The following PRKAA1 variants were observed in gnomAD, a reference collection of about 807,000 sequenced individuals.
PRKAA1 encodes the protein protein kinase AMP-activated catalytic subunit alpha 1.
PRKAA1 carries 23 observed loss-of-function variants against 56.9 expected under a neutral mutation model. The ratio of observed to expected loss-of-function variants is 0.40; its 90% CI spans 0.29 to 0.57. The LOEUF (loss-of-function observed/expected upper bound fraction) is 0.57, where lower values mean the gene tolerates loss of function less well. PRKAA1 is among the 20% of genes least tolerant of loss of function. PRKAA1 has a pLI of 0.39. For synonymous variants in PRKAA1, 226 were observed against 227.0 expected, an observed-to-expected ratio of 1.00 and a Z score of 0.04; for missense variants, 413 against 679.7, an observed-to-expected ratio of 0.61 and a Z score of 4.36.
chr5:40,794,788 C>T (rs556186644), intron 1 of PRKAA1, among the ~76,000 whole-genome samples: 1 of 126,200 alleles, frequency 7.9e-6, no homozygotes, highest in African/African-American at 2.6e-5. Flanking sequence ...TGTAAACTAG[C>T]ACAGCTGCTA....
intron 2 of PRKAA1, 52 bp from the exon 3 acceptor site, chr5:40,775,555 T>C (rs780412621): frequency 1.5e-6 from 2 of 1,355,352 alleles, no homozygotes; most frequent in Non-Finnish European, 2.1e-6. Flanking sequence ...TATTCATTCA[T>C]TCAATAAATA....
intron 1 of PRKAA1, among the ~76,000 whole-genome samples, chr5:40,786,888 G>A (rs761458713): frequency 2.0e-5 from 3 of 150,362 alleles, no homozygotes; most frequent in African/African-American, 7.4e-5. Flanking sequence ...AACAGAGCAG[G>A]CAGAGGTTGC....
intron 7 of PRKAA1, 40 bp from the exon 8 acceptor site, chr5:40,764,680 C>A (rs771544087): frequency 6.2e-7 from 1 of 1,604,804 alleles, no homozygotes; most frequent in Non-Finnish European, 8.5e-7. Context: ...AAAAGTAATT[C>A]TTCTATAAAA....
chr5:40,768,700 C>T, intron 5 of PRKAA1: 1 of 1,280,306 alleles, frequency 7.8e-7, no homozygotes, highest in South Asian at 2.4e-5. Context: ...GCAAAACATT[C>T]ACACAAATAA....
In PRKAA1 at chr5:40,768,287, T is replaced by C. The variant is rs114717893; in HGVS notation, c.597-597A>G. 1,121 of 339,234 alleles carry C rather than the reference T, an allele frequency of 3.3e-3. 7 individuals are homozygous for C. The highest frequency in any genetic ancestry group is 0.022 in the African/African-American group (965 of 44,878). 21.0% of individuals were successfully genotyped at this position (339,234 alleles called of 1,614,324 possible). A position where few individuals can be genotyped will look rare whatever the true frequency, so the allele number is the denominator to read the frequency against. On this transcript the variant is annotated intron_variant, in intron 5 of 8. Transcript: ENST00000397128. ...TACTGCTGAACTGATCGATAAATATTATTTTGAAAGTAAAAGTTCTCATAC... is the reference window on the plus strand; with the variant it reads ...TACTGCTGAACTGATCGATAAATATCATTTTGAAAGTAAAAGTTCTCATAC...
At position 40,761,540 on chromosome 5, in the gene PRKAA1, T is replaced by TAGA. The variant is rs1461416324; in HGVS notation, c.*1235_*1237dup. 3 of 152,186 alleles carry TAGA rather than the reference T, an allele frequency of 2.0e-5. No individual in the cohort carries two copies. The highest frequency in any genetic ancestry group is 3.8e-4 in the East Asian group (2 of 5,202). 9.4% of individuals were successfully genotyped at this position (152,186 alleles called of 1,614,324 possible). A position where few individuals can be genotyped will look rare whatever the true frequency, so the allele number is the denominator to read the frequency against. ...ATTAACAACTGCTGAATCTAAATGG[T>TAGA]AGATATACATGTGCTTACCAAACAG... On this transcript the variant is annotated 3_prime_UTR_variant, in exon 9 of 9. Transcript: ENST00000397128.
chr5:40,770,423 A>AT, intron 4 of PRKAA1, among the ~76,000 whole-genome samples: 1 of 107,464 alleles, frequency 9.3e-6, no homozygotes, highest in African/African-American at 3.8e-5. Context: ...CCGAGATCGT[A>AT]CCACTCCAGC....
chr5:40,771,642 GA>G, intron 4 of PRKAA1, 76 bp downstream of exon 4: 3 of 1,408,138 alleles, frequency 2.1e-6, no homozygotes, highest in Non-Finnish European at 2.9e-6. Flanking sequence ...ACAGTTATCT[GA>G]AGAATTCTAG....
intron 1 of PRKAA1, among the ~76,000 whole-genome samples, chr5:40,791,966 ATATT>A (rs890783796): frequency 3.3e-5 from 5 of 152,228 alleles, no homozygotes; most frequent in African/African-American, 1.2e-4. Flanking sequence ...ATTATTTTTC[ATATT>A]TATTTTTACA....
At position 40,798,137 on chromosome 5, in the gene PRKAA1, T is replaced by G. The variant is rs749919427; in HGVS notation, c.53A>C (p.His18Pro). 1.4e-4 allele frequency: 219 copies of G among 1,605,056 alleles called. No homozygotes were observed. The highest frequency in any genetic ancestry group is 1.8e-4 in the Non-Finnish European group (211 of 1,175,136). The change falls in exon 1 of 9, where the codon CAC (histidine) becomes CCC (proline). Residue 18 changes from histidine to proline, a missense_variant. Physicochemically the swap from His to Pro is moderately conservative, Grantham distance 77 (BLOSUM62 -2). Coordinates refer to ENST00000397128, the MANE Select transcript of PRKAA1 (RefSeq NM_006251.6). ...RKMATAEKQK[H>P]DGRVKIGHYI... ...GTGGCCGATCTTCACCCGCCCGTCG[T>G]GTTTCTGCTTCTCGGCTGTCGCCAT...
At position 40,764,642 on chromosome 5, in the gene PRKAA1, T is replaced by C. The variant is rs780218638; in HGVS notation, c.1309-2A>G. On this transcript the variant is annotated splice_acceptor_variant, in intron 7 of 8. Coordinates refer to ENST00000397128, the MANE Select transcript of PRKAA1 (RefSeq NM_006251.6). LOFTEE classifies it high-confidence loss of function. ...ACGCAAATAATATGGGTTTACAACCTAGCACATGGTATAACAAAAACCAAG... is the reference window on the plus strand; with the variant it reads ...ACGCAAATAATATGGGTTTACAACCCAGCACATGGTATAACAAAAACCAAG... The C allele has an allele frequency of 6.2e-6, 10 of 1,612,724 alleles. No individual in the cohort carries two copies. The highest frequency in any genetic ancestry group is 7.6e-6 in the Non-Finnish European group (9 of 1,179,378).
rs746860353 is a variant in PRKAA1 at position 40,762,784 on chromosome 5, T to C, written c.1674A>G (p.Ala558=). 2 of 1,613,866 alleles carry C rather than the reference T, an allele frequency of 1.2e-6. No individual in the cohort carries two copies. The highest frequency in any genetic ancestry group is 2.7e-5 in the African/African-American group (2 of 74,930). The stretch of plus-strand genomic sequence containing the variant: ...AATAAGCAAAGTTTTCTGTTTATTG[T>C]GCAAGAATTTTAATTAGATTTGCAC... ...EMCANLIKIL[A]Q is the part of the protein sequence containing the mutation. Residue 558 remains alanine (A), a synonymous_variant, in exon 9 of 9, where the codon GCA becomes GCG. Coordinates refer to ENST00000397128, the MANE Select transcript of PRKAA1 (RefSeq NM_006251.6).
chr5:40,779,428 G>A (rs573410084), intron 1 of PRKAA1, among the ~76,000 whole-genome samples: 4 of 152,008 alleles, frequency 2.6e-5, no homozygotes, highest in South Asian at 2.1e-4. Flanking sequence ...AAAACACAAC[G>A]GAACAGTTCA....
intron 8 of PRKAA1, 40 bp downstream of exon 8, chr5:40,764,474 A>G: frequency 6.5e-7 from 1 of 1,543,386 alleles, no homozygotes; most frequent in Non-Finnish European, 8.8e-7. Flanking sequence ...CCAAGTTAGT[A>G]ACAAGGTCTA....
At chr5:40,770,015 A>C (rs1296413247) in intron 4 of PRKAA1, among the ~76,000 whole-genome samples, 3 of 152,148 alleles carry the variant, frequency 2.0e-5, no homozygotes, top group Non-Finnish European at 4.4e-5. Flanking sequence ...AATTCAAATA[A>C]TTTAGCCAAT....
At chr5:40,792,105 G>A (rs1490631228) in intron 1 of PRKAA1, among the ~76,000 whole-genome samples, 7 of 152,100 alleles carry the variant, frequency 4.6e-5, no homozygotes, top group African/African-American at 1.2e-4. Flanking sequence ...AGCAACTAAC[G>A]TAACCAGTCT....
At chr5:40,765,527 T>C (rs143673158) in intron 6 of PRKAA1, among the ~76,000 whole-genome samples, 1 of 152,286 alleles carries the variant, frequency 6.6e-6, no homozygotes, top group Non-Finnish European at 1.5e-5. Flanking sequence ...GAACAGCTTA[T>C]TTCCAGCTTA....
intron 1 of PRKAA1, among the ~76,000 whole-genome samples, chr5:40,786,786 C>CAAAAAA (rs34749478): frequency 2.1e-4 from 9 of 43,502 alleles, no homozygotes; most frequent in African/African-American, 5.4e-4. Flanking sequence ...ACTAAAAATA[C>CAAAAAA]AAAAAAAAAA....
At chr5:40,778,779 A>ATTTTTTTTTTT (rs70988808) in intron 1 of PRKAA1, among the ~76,000 whole-genome samples, 1 of 57,822 alleles carries the variant, frequency 1.7e-5, no homozygotes, top group Non-Finnish European at 2.9e-5. Flanking sequence ...CTGTTTTTTA[A>ATTTTTTTTTTT]TTTTTTTTTT....
Sources: gnomAD v4.1 joint callset for allele counts (sites outside exome capture counted in the v4.1 genomes callset) on GRCh38, gnomAD v4.1.1 for gene constraint, MANE v1.5 for transcripts, NCBI Gene and HGNC (gene_info 2026-07-23, HGNC 2026-07-21) for gene names.